ELAPOR1: variants seen among roughly 807,000 people sequenced by gnomAD.
The protein encoded by ELAPOR1 is endosome/lysosome-associated apoptosis and autophagy regulator 1.
In ELAPOR1, 77 loss-of-function variants were observed where a neutral mutation model predicts 119.7. The observed-to-expected ratio is 0.64, with a 90% confidence interval of 0.54 to 0.78. The LOEUF (loss-of-function observed/expected upper bound fraction) is 0.78. Ranked by LOEUF, ELAPOR1 falls within the 30% of genes least tolerant of loss-of-function variation. ELAPOR1 has a pLI of 0.00. For missense variants in ELAPOR1, 1,115 were observed against 1,270.4 expected, an observed-to-expected ratio of 0.88 and a Z score of 1.86; for synonymous variants, 481 against 487.2, an observed-to-expected ratio of 0.99 and a Z score of 0.17.
At chr1:109,117,410 C>T (rs188980457) in intron 1 of ELAPOR1, among the ~76,000 whole-genome samples, 116 of 152,336 alleles carry the variant, frequency 7.6e-4, no homozygotes, top group Non-Finnish European at 2.2e-4. Context: ...GCCTTTAACA[C>T]GCTCTACCTT....
At position 109,198,678 on chromosome 1, in the gene ELAPOR1, A is replaced by G. The variant is rs1199509170; in HGVS notation, c.2501+4A>G. The G allele has an allele frequency of 1.2e-6, 2 of 1,611,210 alleles. No homozygotes were observed. Among genetic ancestry groups the G allele is most frequent in the Admixed American group, 3.4e-5 (2 of 59,666 alleles). On this transcript the variant is annotated splice_donor_region_variant and intron_variant, in intron 18 of 21. Transcript: ENST00000369939. Reference sequence around the variant, plus strand: ...CTGGAAGTTTGCTGCTGCCAGGGTAAGCCCTGCAAAGGGATGTAACAAAGG... The same window carrying G: ...CTGGAAGTTTGCTGCTGCCAGGGTAGGCCCTGCAAAGGGATGTAACAAAGG...
intron 7 of ELAPOR1, among the ~76,000 whole-genome samples, chr1:109,182,310 A>G (rs2101085796): frequency 6.7e-6 from 1 of 149,316 alleles, no homozygotes; most frequent in East Asian, 2.0e-4. Flanking sequence ...AACCTGGGCA[A>G]CAGAGCGAGA....
chr1:109,137,860 A>T (rs1483386996), intron 1 of ELAPOR1, among the ~76,000 whole-genome samples: 2 of 152,210 alleles, frequency 1.3e-5, no homozygotes, highest in Non-Finnish European at 2.9e-5. Flanking sequence ...AGTAACCCAC[A>T]TAGTAATCAA....
At chr1:109,184,125 G>A (rs558010852) in intron 7 of ELAPOR1, among the ~76,000 whole-genome samples, 13 of 152,112 alleles carry the variant, frequency 8.5e-5, no homozygotes, top group Non-Finnish European at 1.8e-4. Flanking sequence ...TAATTCCAGC[G>A]CTTTGGGAGG....
At chr1:109,142,975 A>C (rs1649923378) in intron 1 of ELAPOR1, among the ~76,000 whole-genome samples, 1 of 151,604 alleles carries the variant, frequency 6.6e-6, no homozygotes, top group Admixed American at 6.6e-5. Flanking sequence ...TTTTTGAAGC[A>C]GTCTCGCTCT....
chr1:109,173,934 T>A (rs902669154), intron 7 of ELAPOR1, 97 bp downstream of exon 7: 1 of 1,321,578 alleles, frequency 7.6e-7, no homozygotes, highest in African/African-American at 1.5e-5. Flanking sequence ...CTGGCCAAGC[T>A]GAGGATGGTA....
At chr1:109,181,819 C>G (rs1454209508) in intron 7 of ELAPOR1, among the ~76,000 whole-genome samples, 1 of 152,070 alleles carries the variant, frequency 6.6e-6, no homozygotes, top group Middle Eastern at 3.2e-3. Flanking sequence ...CCCACCTGTC[C>G]AGCCTAATAA....
rs1211586522 is a variant in ELAPOR1, at chr1:109,192,750, G to T, written c.1823G>T (p.Gly608Val). ...TCCTCCTGCACCTCTTGTCCTGCTG[G>T]TTACTATATTGACCGAGATTCAGGA... ...VGSSCTSCPA[G>V]YYIDRDSGTC... Residue 608 changes from glycine (G) to valine (V), a missense_variant, in exon 14 of 22, where the codon GGT becomes GTT. By Grantham distance (109) the Gly-to-Val change is moderately radical. Transcript: ENST00000369939. 2 of 1,613,860 alleles carry T rather than the reference G, an allele frequency of 1.2e-6. No individual in the cohort carries two copies. Among genetic ancestry groups the T allele is most frequent in the African/African-American group, 1.3e-5 (1 of 74,860 alleles).
chr1:109,201,929 A>T (rs1654194199), intron 21 of ELAPOR1, among the ~76,000 whole-genome samples: 1 of 152,000 alleles, frequency 6.6e-6, no homozygotes, highest in African/African-American at 2.4e-5. Flanking sequence ...GGAAGACCCC[A>T]TCTCTACAAA....
chr1:109,144,185 G>A (rs946407149), intron 1 of ELAPOR1, among the ~76,000 whole-genome samples: 2 of 148,442 alleles, frequency 1.3e-5, no homozygotes, highest in Non-Finnish European at 3.0e-5. Flanking sequence ...TCAGCCTCTC[G>A]AGTAGCTGGG....
intron 7 of ELAPOR1, 117 bp downstream of exon 7, chr1:109,173,954 C>T: frequency 2.8e-6 from 3 of 1,088,762 alleles, no homozygotes; most frequent in East Asian, 2.4e-5. Flanking sequence ...AATTCTTAAA[C>T]CCTTCCTTTC....
rs748215550 is a variant in ELAPOR1 at position 109,114,299 on chromosome 1, C to T, written c.116C>T (p.Thr39Ile). Residue 39 changes from threonine (T) to isoleucine (I), a missense_variant, in exon 1 of 22, where the codon ACC becomes ATC. Transcript: ENST00000369939. ...LLWAGTAFQV[T>I]QGTGPELHAC... The stretch of plus-strand genomic sequence containing the variant: ...TGGGCTGGGACCGCCTTCCAGGTGA[C>T]CCAGGGAACGGGACCGGAGCTTCAT... 1.4e-5 allele frequency: 23 copies of T among 1,600,896 alleles called. 1 individual carries two copies. In the South Asian group the frequency reaches 2.5e-4, roughly 17 times the overall value.
At chr1:109,135,711 C>A (rs772017264) in intron 1 of ELAPOR1, among the ~76,000 whole-genome samples, 26 of 152,156 alleles carry the variant, frequency 1.7e-4, no homozygotes, top group Non-Finnish European at 2.8e-4. Flanking sequence ...AGCTTATATA[C>A]CAGCTGTGTG....
chr1:109,202,415 T>C (rs7413101), intron 21 of ELAPOR1, among the ~76,000 whole-genome samples: 131,141 of 151,408 alleles, frequency 0.87, 57,202 homozygotes, highest in East Asian at 0.97. Flanking sequence ...CCACTGTGCC[T>C]GGCCAAAAAC....
At chr1:109,185,345 G>C (rs1473520211) in intron 8 of ELAPOR1, among the ~76,000 whole-genome samples, 1 of 152,136 alleles carries the variant, frequency 6.6e-6, no homozygotes, top group African/African-American at 2.4e-5. Context: ...TGCAGCGTTT[G>C]TTTCACTGTT....
At chr1:109,155,132 GCC>G (rs1375671279) in intron 1 of ELAPOR1, among the ~76,000 whole-genome samples, 1 of 152,084 alleles carries the variant, frequency 6.6e-6, no homozygotes, top group Non-Finnish European at 1.5e-5. Context: ...CACATAACAG[GCC>G]CTCAGTACGT....
chr1:109,196,669 TGA>T (rs1653813860), intron 15 of ELAPOR1, among the ~76,000 whole-genome samples: 1 of 147,170 alleles, frequency 6.8e-6, no homozygotes, highest in Non-Finnish European at 1.5e-5. Context: ...AAAAAAAGGC[TGA>T]GACACCAGAT....
chr1:109,189,534 T>G, intron 10 of ELAPOR1, 58 bp from the exon 11 acceptor site: 1 of 1,457,014 alleles, frequency 6.9e-7, no homozygotes, highest in Admixed American at 1.7e-5. Flanking sequence ...GTCATCTGGG[T>G]GCACATTTGC....
intron 1 of ELAPOR1, among the ~76,000 whole-genome samples, chr1:109,134,318 G>A (rs1161362429): frequency 1.3e-5 from 2 of 152,144 alleles, no homozygotes; most frequent in Non-Finnish European, 2.9e-5. Flanking sequence ...AGCTTTGGGT[G>A]TTTTCAGATT....
Sources: gnomAD v4.1 joint callset for allele counts (sites outside exome capture counted in the v4.1 genomes callset) on GRCh38, gnomAD v4.1.1 for gene constraint, MANE v1.5 for transcripts, NCBI Gene and HGNC (gene_info 2026-07-23, HGNC 2026-07-21) for gene names.